The following IHO1 variants were observed in gnomAD, a reference collection of about 807,000 sequenced individuals.
The protein encoded by IHO1 is interactor of HORMAD1 protein 1.
IHO1 carries 13 observed loss-of-function variants against 31.0 expected under a neutral mutation model. The observed-to-expected ratio is 0.42, with a 90% confidence interval of 0.27 to 0.67. IHO1 has a LOEUF of 0.67. Among genes scored for constraint, IHO1 ranks in the 30% least tolerant of loss-of-function variants. IHO1 has a pLI of 0.24. For synonymous variants in IHO1, 221 were observed against 248.4 expected (o/e 0.89, Z 1.04); for missense variants, 599 against 687.5 (o/e 0.87, Z 1.44).
At chr3:49,254,594 G>A (rs1444682738) in intron 6 of IHO1, among the ~76,000 whole-genome samples, 1 of 152,052 alleles carries the variant, frequency 6.6e-6, no homozygotes, top group Non-Finnish European at 1.5e-5. Flanking sequence ...GAATGACAGG[G>A]ACAGAAACAG....
chr3:49,256,844 C>A lies in IHO1; in HGVS notation c.1347C>A (p.His449Gln), dbSNP rs768331138. 1.7e-5 allele frequency: 28 copies of A among 1,614,040 alleles called. No homozygotes were observed. The Middle Eastern group carries it at 4.9e-4, about 28-fold the overall frequency. The change falls in exon 8 of 8, where the codon CAC becomes CAA. Residue 449 changes from histidine to glutamine, a missense_variant. Physicochemically the swap from His to Gln is conservative, Grantham distance 24. Coordinates refer to ENST00000452691, the MANE Select transcript of IHO1 (RefSeq NM_001135197.2). The surrounding 1 kb of genome is among the most constrained non-coding windows in gnomAD (Gnocchi z 4.6). ...AGAAGCAGCAGCCCAGGAAGGCCCACAGGGCCCACAGAGGCAGGCTCATAG... is the reference window on the plus strand; with the variant it reads ...AGAAGCAGCAGCCCAGGAAGGCCCAAAGGGCCCACAGAGGCAGGCTCATAG... ...KDKKQQPRKA[H>Q]RAHRGRLIAS...
chr3:49,254,485 G>A (rs758002203), intron 6 of IHO1, among the ~76,000 whole-genome samples: 5 of 152,012 alleles, frequency 3.3e-5, no homozygotes, highest in South Asian at 2.1e-4. Flanking sequence ...CACCCTAGCC[G>A]AGTGGAAATG....
At chr3:49,219,758 T>C (rs2046330516) in intron 2 of IHO1, among the ~76,000 whole-genome samples, 3 of 152,124 alleles carry the variant, frequency 2.0e-5, no homozygotes, top group Non-Finnish European at 4.4e-5. Context: ...AAGCAATCCC[T>C]GTGGTGAGTA....
chr3:49,251,637 T>G (rs182915476), intron 6 of IHO1, among the ~76,000 whole-genome samples: 18 of 149,434 alleles, frequency 1.2e-4, no homozygotes, highest in African/African-American at 3.7e-4. Context: ...GTTTTGCTTT[T>G]GTTGCCCAGG....
intron 1 of IHO1, 83 bp from the exon 2 acceptor site, chr3:49,211,683 C>G (rs1389977313): frequency 3.6e-6 from 2 of 556,590 alleles, no homozygotes; most frequent in South Asian, 4.4e-5. Context: ...GGAATGTCTT[C>G]GTGTACATAT....
chr3:49,237,753 T>C (rs868202598), intron 3 of IHO1, among the ~76,000 whole-genome samples: 1 of 152,086 alleles, frequency 6.6e-6, no homozygotes, highest in Non-Finnish European at 1.5e-5. Context: ...CTGTATACTT[T>C]AGTCAACTAT....
At chr3:49,226,798 T>C (rs1483520089) in intron 2 of IHO1, among the ~76,000 whole-genome samples, 2 of 152,232 alleles carry the variant, frequency 1.3e-5, no homozygotes, top group East Asian at 3.8e-4. Context: ...AGGACATCTA[T>C]ATACCTATCA....
At chr3:49,233,753 C>A (rs1162879739) in intron 2 of IHO1, among the ~76,000 whole-genome samples, 1 of 152,208 alleles carries the variant, frequency 6.6e-6, no homozygotes, top group East Asian at 1.9e-4. Context: ...TAAACAAAAT[C>A]TCTGCAGCAC....
intron 2 of IHO1, among the ~76,000 whole-genome samples, chr3:49,228,524 C>T (rs1041011906): frequency 2.0e-5 from 3 of 152,200 alleles, no homozygotes; most frequent in Admixed American, 6.5e-5. Flanking sequence ...GAAGGCCCCA[C>T]ATTGGGCGCC....
chr3:49,210,728 ACT>A (rs1192892850), intron 1 of IHO1, among the ~76,000 whole-genome samples: 1 of 99,314 alleles, frequency 1.0e-5, no homozygotes, highest in African/African-American at 4.2e-5. Context: ...ATGGGGTCTC[ACT>A]CTGTCGCCCC....
intron 1 of IHO1, 137 bp from the exon 2 acceptor site, chr3:49,211,629 A>AC (rs1450215267): frequency 5.8e-5 from 22 of 378,334 alleles, no homozygotes; most frequent in Non-Finnish European, 1.9e-5. Flanking sequence ...GTCTCAAAAA[A>AC]AAAAAACAGA....
intron 1 of IHO1, among the ~76,000 whole-genome samples, chr3:49,209,348 T>C (rs2046179482): frequency 6.6e-6 from 1 of 152,086 alleles, no homozygotes; most frequent in Non-Finnish European, 1.5e-5. Context: ...AATGCTTGCA[T>C]TTCTGGCTGG....
intron 1 of IHO1, among the ~76,000 whole-genome samples, chr3:49,204,376 G>T (rs2046107280): frequency 6.6e-6 from 1 of 152,076 alleles, no homozygotes; most frequent in South Asian, 2.1e-4. Flanking sequence ...GAGTGTATGT[G>T]GATTTTGGTA....
chr3:49,206,628 G>T (rs1419056692), intron 1 of IHO1, among the ~76,000 whole-genome samples: 2 of 152,268 alleles, frequency 1.3e-5, no homozygotes, highest in East Asian at 3.9e-4. Flanking sequence ...CTGTATCGTT[G>T]CTGACCTATC....
chr3:49,239,940 C>A (rs956892982), intron 3 of IHO1, among the ~76,000 whole-genome samples: 6 of 152,188 alleles, frequency 3.9e-5, no homozygotes, highest in Non-Finnish European at 8.8e-5. Flanking sequence ...GGATTATAGG[C>A]GTAAGCCACT....
the IHO1 span, chr3:49,191,846 T>G: frequency 1.7e-5 from 25 of 1,432,754 alleles, no homozygotes; most frequent in Non-Finnish European, 2.3e-5. Context: ...AGAGAATCTC[T>G]GGAGGTCAAT....
At chr3:49,197,036 C>T (rs1182312499), upstream of IHO1, among the ~76,000 whole-genome samples, 3 of 133,674 alleles carry the variant, frequency 2.2e-5, no homozygotes, top group Non-Finnish European at 3.3e-5. Context: ...GCTGGAGTGC[C>T]GTGGCGCCAT....
At position 49,208,015 on chromosome 3, in the gene IHO1, G is replaced by A. The variant is rs375209791; in HGVS notation, c.-15-3751G>A. On this transcript the variant is annotated intron_variant, in intron 1 of 7. Coordinates refer to ENST00000452691, the MANE Select transcript of IHO1 (RefSeq NM_001135197.2). ...TCTCGATCTCCTGACCTTTTGATCC[G>A]CCCGCCTCGGCCTCCCAAACTGCCG... is the stretch of plus-strand genomic sequence containing the variant. Among the ~76,000 whole-genome samples the A allele has an allele frequency of 1.4e-4, 22 of 152,158 alleles. No homozygotes were observed. In the East Asian group the frequency reaches 3.1e-3, roughly 21 times the overall value.
chr3:49,205,284 A>T (rs934074607), intron 1 of IHO1, among the ~76,000 whole-genome samples: 1 of 151,580 alleles, frequency 6.6e-6, no homozygotes, highest in Non-Finnish European at 1.5e-5. Context: ...TAGCATGCTA[A>T]TGCGTTATAA....
Sources: allele counts gnomAD v4.1 joint callset (sites outside exome capture counted in the v4.1 genomes callset), GRCh38; gene constraint gnomAD v4.1.1; non-coding constraint Gnocchi (gnomAD v3.1); transcripts MANE v1.5; gene names NCBI Gene and HGNC (gene_info 2026-07-23, HGNC 2026-07-21).